The following SOX5 variants were observed in gnomAD, a reference collection of about 807,000 sequenced individuals.
SOX5 encodes the protein transcription factor SOX-5.
Under a neutral mutation model 92.0 loss-of-function variants are expected in SOX5, and 9 were observed. That is an observed-to-expected ratio of 0.10 (90% confidence interval 0.06 to 0.17). The LOEUF (loss-of-function observed/expected upper bound fraction) is 0.17, where lower values mean the gene tolerates loss of function less well. Among genes scored for constraint, SOX5 ranks in the 10% least tolerant of loss-of-function variants. SOX5 has a pLI of 1.00. For missense variants in SOX5, 642 were observed against 944.5 expected, an observed-to-expected ratio of 0.68 and a Z score of 4.20; for synonymous variants, 344 against 336.3, an observed-to-expected ratio of 1.02 and a Z score of -0.25.
intron 1 of SOX5, among the ~76,000 whole-genome samples, chr12:24,552,228 T>G (rs1056796960): frequency 1.3e-5 from 2 of 152,262 alleles, no homozygotes; most frequent in Admixed American, 1.3e-4. Context: ...AAAAAGTCTT[T>G]CTAGCAGTCC....
At chr12:24,005,181 TACTA>T (rs1191992018) in intron 4 of SOX5, among the ~76,000 whole-genome samples, 1 of 150,840 alleles carries the variant, frequency 6.6e-6, no homozygotes, top group Non-Finnish European at 1.5e-5. Flanking sequence ...TCTATAAACT[TACTA>T]AAAAAAAAAA....
intron 1 of SOX5, among the ~76,000 whole-genome samples, chr12:24,519,823 C>T (rs768491930): frequency 7.0e-4 from 106 of 152,046 alleles, no homozygotes; most frequent in Non-Finnish European, 1.1e-3. Context: ...TCCAGATTCA[C>T]AAAACTCAGA....
intron 4 of SOX5, among the ~76,000 whole-genome samples, chr12:24,020,731 C>T (rs1224160315): frequency 6.6e-6 from 1 of 152,170 alleles, no homozygotes; most frequent in Non-Finnish European, 1.5e-5. Context: ...ATTTCAATTT[C>T]ATCCGGAGTC....
intron 4 of SOX5, among the ~76,000 whole-genome samples, chr12:24,212,812 C>A (rs556219044): frequency 6.6e-6 from 1 of 152,306 alleles, no homozygotes; most frequent in East Asian, 1.9e-4. Flanking sequence ...TCATTTCATA[C>A]ATGGTAGTCA....
chr12:23,826,364 G>C (rs998129901), intron 3 of SOX5, among the ~76,000 whole-genome samples: 1 of 152,098 alleles, frequency 6.6e-6, no homozygotes, highest in Admixed American at 6.6e-5. Flanking sequence ...GCCACCGAAG[G>C]AGAAAAGAAT....
At chr12:23,844,610 G>A (rs1370950389) in intron 3 of SOX5, among the ~76,000 whole-genome samples, 1 of 151,974 alleles carries the variant, frequency 6.6e-6, no homozygotes, top group Non-Finnish European at 1.5e-5. Context: ...CTTTCAAAGA[G>A]GAAGAAAAAA....
Position 23,697,901 on chromosome 12 carries a change from A to G in SOX5, c.811-32337T>C, listed in dbSNP as rs141016837. On this transcript the variant is annotated intron_variant, in intron 6 of 14. Coordinates refer to ENST00000451604, the MANE Select transcript of SOX5 (RefSeq NM_006940.6). ...TGACACAATCAGGAATCAATCTACA[A>G]TCTTGCTATTTGTTTTCTATTTATC... Among the ~76,000 whole-genome samples the G allele has an allele frequency of 5.1e-4, 77 of 152,084 alleles. No individual in the cohort carries two copies. In the Middle Eastern group the frequency reaches 0.01, roughly 20 times the overall value.
At chr12:23,841,262 C>T (rs1476697180) in intron 3 of SOX5, among the ~76,000 whole-genome samples, 1 of 152,046 alleles carries the variant, frequency 6.6e-6, no homozygotes, top group Admixed American at 6.5e-5. Context: ...CAAGGAGATA[C>T]TACTACACAC....
At chr12:24,389,677 A>G (rs573102903) in intron 1 of SOX5, among the ~76,000 whole-genome samples, 4 of 152,350 alleles carry the variant, frequency 2.6e-5, no homozygotes, top group African/African-American at 9.6e-5. Flanking sequence ...TAATTCTGCT[A>G]TGAACACTGT....
chr12:24,233,662 T>C (rs7310998), intron 3 of SOX5, among the ~76,000 whole-genome samples: 47,949 of 152,168 alleles, frequency 0.32, 7,951 homozygotes, highest in African/African-American at 0.38. Context: ...GTAAGGTTTG[T>C]GAGTTCTCTG....
chr12:23,658,245 A>G (rs1445454708), intron 7 of SOX5, among the ~76,000 whole-genome samples: 1 of 152,218 alleles, frequency 6.6e-6, no homozygotes, highest in Non-Finnish European at 1.5e-5. Context: ...TCTTAAGACA[A>G]TAATGTCAAC....
intron 2 of SOX5, among the ~76,000 whole-genome samples, chr12:24,328,860 C>T (rs1950990226): frequency 6.6e-6 from 1 of 152,090 alleles, no homozygotes; most frequent in Non-Finnish European, 1.5e-5. Flanking sequence ...AAACCTTAAA[C>T]CAGAATTTCA....
intron 2 of SOX5, among the ~76,000 whole-genome samples, chr12:23,883,532 A>G (rs2097024465): frequency 6.6e-6 from 1 of 152,210 alleles, no homozygotes; most frequent in Non-Finnish European, 1.5e-5. Flanking sequence ...ATTTCTGAAA[A>G]TTCTATTGTT....
chr12:24,235,371 A>G (rs1964256928), intron 3 of SOX5, among the ~76,000 whole-genome samples: 2 of 152,216 alleles, frequency 1.3e-5, no homozygotes, highest in South Asian at 4.1e-4. Flanking sequence ...TTTTTGGTTC[A>G]TATCTATTCC....
At chr12:24,286,302 G>A (rs972683504) in intron 2 of SOX5, among the ~76,000 whole-genome samples, 5 of 152,180 alleles carry the variant, frequency 3.3e-5, no homozygotes, top group African/African-American at 1.2e-4. Flanking sequence ...TTTCAATCCT[G>A]TATATATGGA....
chr12:24,340,878 C>T lies in SOX5; in HGVS notation c.-174+27685G>A, dbSNP rs74070013. Among the ~76,000 whole-genome samples the T allele has an allele frequency of 2.0e-3, 306 of 152,282 alleles. 1 individual carries two copies. Among genetic ancestry groups the T allele is most frequent in the African/African-American group, 5.6e-3 (231 of 41,558 alleles). ...TGTTGTTGTTGTTAGTTCATTTTGA[C>T]GAAGTGCACATCGCCACTGAGGTGG... On this transcript the variant is annotated intron_variant, in intron 2 of 4. Coordinates refer to the SOX5 transcript ENST00000446891.
At chr12:23,684,926 T>C (rs1723766610) in intron 6 of SOX5, among the ~76,000 whole-genome samples, 1 of 152,164 alleles carries the variant, frequency 6.6e-6, no homozygotes, top group Admixed American at 6.6e-5. Context: ...TTTATCAGAA[T>C]GGAAAAGTGT....
chr12:24,000,202 G>C (rs1418129592), intron 4 of SOX5, among the ~76,000 whole-genome samples: 3 of 151,404 alleles, frequency 2.0e-5, no homozygotes, highest in South Asian at 2.1e-4. Context: ...AAGAAAATTA[G>C]AACAGATAAG....
chr12:24,403,875 G>C (rs908565361), intron 1 of SOX5, among the ~76,000 whole-genome samples: 1 of 152,082 alleles, frequency 6.6e-6, no homozygotes, highest in South Asian at 2.1e-4. Context: ...TATACTTCAG[G>C]TCTTAACTGA....
Sources: gnomAD v4.1 joint callset for allele counts (sites outside exome capture counted in the v4.1 genomes callset) on GRCh38, gnomAD v4.1.1 for gene constraint, MANE v1.5 for transcripts, NCBI Gene and HGNC (gene_info 2026-07-23, HGNC 2026-07-21) for gene names.